The following COA1 variants were observed in gnomAD, a reference collection of about 807,000 sequenced individuals.
The protein encoded by COA1 is cytochrome c oxidase assembly factor 1.
COA1 carries 13 observed loss-of-function variants against 16.0 expected under a neutral mutation model. The ratio of observed to expected loss-of-function variants is 0.81; its 90% CI spans 0.53 to 1.29. The LOEUF (loss-of-function observed/expected upper bound fraction) is 1.29. Among genes scored for constraint, COA1 ranks in the 50% most tolerant of loss-of-function variants. COA1 has a pLI of 0.00. For synonymous variants in COA1, 65 were observed against 65.7 expected (o/e 0.99, Z 0.05); for missense variants, 179 against 177.0 (o/e 1.01, Z -0.06).
intron 6 of COA1, among the ~76,000 whole-genome samples, chr7:43,627,129 T>C (rs1012750948): frequency 6.6e-6 from 1 of 152,260 alleles, no homozygotes; most frequent in Admixed American, 6.5e-5. Context: ...GTTTTAACTA[T>C]AATTCAACAA....
Position 43,640,570 on chromosome 7 carries a change from T to C in COA1, c.341+3A>G, listed in dbSNP as rs2086792689. On this transcript the variant is annotated splice_donor_region_variant and intron_variant, in intron 5 of 5. Transcript: ENST00000223336. ...CCCCACTGCCGTCACCTTCCCAGGA[T>C]ACCTCTGAAAGGGGCCACCTCTGGA... The C allele has an allele frequency of 6.2e-7, 1 of 1,600,622 alleles. No individual in the cohort carries two copies. Among genetic ancestry groups the C allele is most frequent in the South Asian group, 1.1e-5 (1 of 89,020 alleles).
At chr7:43,640,548 C>G (rs765199912) in intron 5 of COA1, 25 bp downstream of exon 5, 56 of 1,552,174 alleles carry the variant, frequency 3.6e-5, no homozygotes, top group East Asian at 1.6e-4. Flanking sequence ...CCCGCTCCCC[C>G]ACTGCCGTCA....
At chr7:43,693,098 T>C (rs1283554305) in intron 1 of COA1, among the ~76,000 whole-genome samples, 1 of 152,192 alleles carries the variant, frequency 6.6e-6, no homozygotes, top group African/African-American at 2.4e-5. Context: ...AACTGAAACC[T>C]GGCTCTCCAC....
intron 6 of COA1, among the ~76,000 whole-genome samples, chr7:43,628,659 C>T (rs1047293070): frequency 1.3e-5 from 2 of 152,088 alleles, no homozygotes; most frequent in Admixed American, 1.3e-4. Context: ...GGATATGTGG[C>T]GGTATCTCAT....
At chr7:43,698,785 A>G (rs1371796537) in intron 1 of COA1, among the ~76,000 whole-genome samples, 1 of 152,218 alleles carries the variant, frequency 6.6e-6, no homozygotes, top group Non-Finnish European at 1.5e-5. Context: ...ATATGTTTTA[A>G]AAGTCCATTA....
chr7:43,676,418 C>CA (rs1253155754), intron 1 of COA1, among the ~76,000 whole-genome samples: 9 of 151,808 alleles, frequency 5.9e-5, no homozygotes, highest in Non-Finnish European at 8.8e-5. Flanking sequence ...TATTCAGCCA[C>CA]AAAAAAAGAA....
chr7:43,617,704 GA>G (rs938283393), intron 6 of COA1, among the ~76,000 whole-genome samples: 2 of 152,184 alleles, frequency 1.3e-5, no homozygotes, highest in Admixed American at 1.3e-4. Flanking sequence ...CTGAAAGAGA[GA>G]AAAACATTGT....
At chr7:43,724,560 A>G (rs1585582742) in intron 1 of COA1, among the ~76,000 whole-genome samples, 1 of 152,190 alleles carries the variant, frequency 6.6e-6, no homozygotes, top group African/African-American at 2.4e-5. Context: ...CAAAGAAAAA[A>G]AAAAAAAGAA....
At chr7:43,684,938 AGT>A (rs1491120704) in intron 1 of COA1, among the ~76,000 whole-genome samples, 1 of 152,122 alleles carries the variant, frequency 6.6e-6, no homozygotes, top group Non-Finnish European at 1.5e-5. Flanking sequence ...CAGTGAAGAG[AGT>A]GAGAGATTCT....
intron 1 of COA1, among the ~76,000 whole-genome samples, chr7:43,704,928 G>A (rs1184935009): frequency 6.6e-6 from 1 of 152,148 alleles, no homozygotes; most frequent in Non-Finnish European, 1.5e-5. Context: ...TTACCTGTGT[G>A]GGCTGATATC....
At chr7:43,667,043 A>G (rs112072775) in intron 1 of COA1, among the ~76,000 whole-genome samples, 3 of 152,248 alleles carry the variant, frequency 2.0e-5, no homozygotes, top group Admixed American at 6.5e-5. Context: ...GCAATGATCT[A>G]TAAGATTTCA....
At chr7:43,617,565 G>A (rs2083465040) in intron 6 of COA1, among the ~76,000 whole-genome samples, 1 of 152,168 alleles carries the variant, frequency 6.6e-6, no homozygotes. Flanking sequence ...TCACTGAGAC[G>A]CCTGTCATTG....
At chr7:43,644,829 G>A (rs1035812443) in intron 4 of COA1, among the ~76,000 whole-genome samples, 1 of 150,754 alleles carries the variant, frequency 6.6e-6, no homozygotes, top group African/African-American at 2.5e-5. Context: ...GAGAGAGAGA[G>A]AGAGACAGGG....
At chr7:43,704,762 T>C (rs2094903856) in intron 1 of COA1, among the ~76,000 whole-genome samples, 1 of 150,982 alleles carries the variant, frequency 6.6e-6, no homozygotes. Context: ...CTATGTCGAC[T>C]AGCTTCCTTG....
At chr7:43,683,333 C>T (rs1451674022) in intron 1 of COA1, among the ~76,000 whole-genome samples, 1 of 151,928 alleles carries the variant, frequency 6.6e-6, no homozygotes, top group East Asian at 1.9e-4. Context: ...ACTATGCTCC[C>T]AAAAACATTT....
intron 1 of COA1, among the ~76,000 whole-genome samples, chr7:43,682,411 G>C (rs1306582291): frequency 6.6e-6 from 1 of 152,138 alleles, no homozygotes; most frequent in Non-Finnish European, 1.5e-5. Context: ...TTTTTCAATA[G>C]GTACATTTTT....
downstream of COA1, among the ~76,000 whole-genome samples, chr7:43,635,157 T>C (rs1222614798): frequency 1.3e-5 from 2 of 152,210 alleles, no homozygotes; most frequent in African/African-American, 4.8e-5. Flanking sequence ...TATAATTTTA[T>C]AAATATTGAC....
chr7:43,719,973 T>G (rs995077863), intron 1 of COA1, among the ~76,000 whole-genome samples: 12 of 152,156 alleles, frequency 7.9e-5, no homozygotes, highest in African/African-American at 2.9e-4. Flanking sequence ...TTGGGGTTTA[T>G]TCTACGTAAA....
intron 1 of COA1, among the ~76,000 whole-genome samples, chr7:43,726,530 CAATA>C (rs1433533576): frequency 6.6e-6 from 1 of 152,158 alleles, no homozygotes; most frequent in South Asian, 2.1e-4. Flanking sequence ...TCCTAAAAAT[CAATA>C]AAGACAAAAC....
Sources: gnomAD v4.1 joint callset for allele counts (sites outside exome capture counted in the v4.1 genomes callset) on GRCh38, gnomAD v4.1.1 for gene constraint, MANE v1.5 for transcripts, NCBI Gene and HGNC (gene_info 2026-07-23, HGNC 2026-07-21) for gene names.